Variants in ADD2 observed in about 807,000 individuals in gnomAD.
The protein encoded by ADD2 is adducin 2, also known as beta-adducin.
In ADD2, 23 loss-of-function variants were observed where a neutral mutation model predicts 83.0. The observed-to-expected ratio is 0.28, with a 90% CI of 0.20 to 0.39. The LOEUF (loss-of-function observed/expected upper bound fraction) is 0.39, where lower values mean the gene tolerates loss of function less well. ADD2 is among the 10% of genes least tolerant of loss of function. ADD2 has a pLI of 1.00. For synonymous variants in ADD2, 375 were observed against 375.4 expected, an observed-to-expected ratio of 1.00 and a Z score of 0.01; for missense variants, 758 against 944.9, an observed-to-expected ratio of 0.80 and a Z score of 2.59.
At chr2:70,719,670 C>T (rs1220660108) in intron 1 of ADD2, among the ~76,000 whole-genome samples, 3 of 152,168 alleles carry the variant, frequency 2.0e-5, no homozygotes, top group African/African-American at 7.2e-5. Flanking sequence ...AAAAGCCCAT[C>T]AAAAAGGCTG....
intron 1 of ADD2, among the ~76,000 whole-genome samples, chr2:70,741,622 G>A (rs782252705): frequency 1.3e-4 from 20 of 152,152 alleles, no homozygotes; most frequent in Non-Finnish European, 2.4e-4. Flanking sequence ...ATGAACAAAC[G>A]TTCTTCTGGG....
At chr2:70,666,777 A>G (rs1460096082) in intron 15 of ADD2, among the ~76,000 whole-genome samples, 1 of 152,150 alleles carries the variant, frequency 6.6e-6, no homozygotes, top group Non-Finnish European at 1.5e-5. Flanking sequence ...GGAGAGCAAC[A>G]CCCAAGGTTC....
At chr2:70,749,853 G>T (rs556340075) in intron 1 of ADD2, among the ~76,000 whole-genome samples, 58 of 152,274 alleles carry the variant, frequency 3.8e-4, no homozygotes, top group African/African-American at 1.3e-3. Flanking sequence ...ACCAGCCCCG[G>T]GTTGCCAACC....
intron 15 of ADD2, among the ~76,000 whole-genome samples, chr2:70,672,507 A>C (rs1216646137): frequency 6.6e-6 from 1 of 152,252 alleles, no homozygotes; most frequent in Non-Finnish European, 1.5e-5. Flanking sequence ...GCCACATCCC[A>C]GACTTACTAA....
intron 9 of ADD2, among the ~76,000 whole-genome samples, chr2:70,684,649 G>A (rs782155179): frequency 1.3e-5 from 2 of 152,192 alleles, no homozygotes; most frequent in Non-Finnish European, 2.9e-5. Context: ...AGGTCCAAAG[G>A]AAAAATACAT....
chr2:70,754,291 G>T (rs188214609), intron 1 of ADD2, among the ~76,000 whole-genome samples: 2 of 151,940 alleles, frequency 1.3e-5, no homozygotes, highest in East Asian at 1.9e-4. Context: ...ATAATTCTTC[G>T]CAGCACTTCC....
At position 70,683,576 on chromosome 2, in the gene ADD2, T is replaced by C. The variant is rs1553369935; in HGVS notation, c.1125+15A>G. 1.9e-6 allele frequency: 3 copies of C among 1,603,474 alleles called. No homozygotes were observed. Among genetic ancestry groups the C allele is most frequent in the African/African-American group, 1.3e-5 (1 of 74,846 alleles). Reference sequence around the variant, plus strand: ...TCAATGGACTGGCCTGGAAGGGCAATGGCAGGAGACTCACCAGGTTGTCCA... The same window carrying C: ...TCAATGGACTGGCCTGGAAGGGCAACGGCAGGAGACTCACCAGGTTGTCCA... On this transcript the variant is annotated intron_variant, in intron 10 of 15. Transcript: ENST00000264436.
At chr2:70,721,368 C>G (rs1250451795) in intron 1 of ADD2, among the ~76,000 whole-genome samples, 2 of 152,192 alleles carry the variant, frequency 1.3e-5, no homozygotes, top group Admixed American at 6.5e-5. Flanking sequence ...ATTCTCCCCC[C>G]ATGACTCTAT....
intron 4 of ADD2, among the ~76,000 whole-genome samples, chr2:70,699,754 T>C (rs1281929688): frequency 3.9e-5 from 6 of 152,086 alleles, no homozygotes; most frequent in African/African-American, 1.2e-4. Context: ...CTCTCCAGCC[T>C]AGGAGACAGG....
rs1553371410 is a variant in ADD2 at position 70,690,805 on chromosome 2, C to T, written c.830G>A (p.Cys277Tyr). The T allele has an allele frequency of 1.2e-6, 2 of 1,613,852 alleles. No homozygotes were observed. Among genetic ancestry groups the T allele is most frequent in the Non-Finnish European group, 1.7e-6 (2 of 1,179,874 alleles). ...QEADRINLQK[C>Y]LGPTCKILVL... The stretch of plus-strand genomic sequence containing the variant: ...GCTAACCTTGCAGGTGGGTCCAAGG[C>T]ACTTCTGCAGGTTGATCCGATCGGC... The change falls in exon 8 of 16, where the codon TGC becomes TAC. Residue 277 changes from cysteine to tyrosine, a missense_variant. By Grantham distance (194) the Cys-to-Tyr change is radical (BLOSUM62 -2). Transcript: ENST00000264436.
rs1296665445 is a variant in ADD2 at position 70,768,156 on chromosome 2, G to A, written c.-424C>T. On this transcript the variant is annotated 5_prime_UTR_variant, in exon 1 of 16. The change creates a new upstream start codon in the 5' untranslated region. Coordinates refer to ENST00000264436, the MANE Select transcript of ADD2 (RefSeq NM_001617.4). ...CCCGCTAGTCCCTCACAGCCCTGCCGTCAGAATTAAAGCCATTTCCCGCAC... is the reference window on the plus strand; with the variant it reads ...CCCGCTAGTCCCTCACAGCCCTGCCATCAGAATTAAAGCCATTTCCCGCAC... 5.4e-5 allele frequency: 33 copies of A among 611,814 alleles called. No homozygotes were observed. The Admixed American group carries it at 7.9e-4, about 15-fold the overall frequency. The allele number at this position is 611,814 out of a possible 1,614,324, so 37.9% of individuals were successfully genotyped here. A position where few individuals can be genotyped will look rare whatever the true frequency, so the allele number is the denominator to read the frequency against.
chr2:70,746,004 T>C (rs1361125998), intron 1 of ADD2, among the ~76,000 whole-genome samples: 1 of 152,242 alleles, frequency 6.6e-6, no homozygotes, highest in Non-Finnish European at 1.5e-5. Flanking sequence ...CAGGGAAAAG[T>C]TGTAAATAAT....
chr2:70,704,263 T>TGCGCCCCCCCC, intron 4 of ADD2, 58 bp downstream of exon 4: 2 of 913,238 alleles, frequency 2.2e-6, no homozygotes, highest in Non-Finnish European at 3.4e-6. Flanking sequence ...CTCCCTCTCT[T>TGCGCCCCCCCC]CCCCACCCCA....
At chr2:70,735,717 T>G (rs547291208) in intron 1 of ADD2, among the ~76,000 whole-genome samples, 1 of 151,934 alleles carries the variant, frequency 6.6e-6, no homozygotes, top group Non-Finnish European at 1.5e-5. Context: ...CCCCGCTTTT[T>G]TTTTTTTGCT....
intron 4 of ADD2, among the ~76,000 whole-genome samples, chr2:70,700,966 G>A (rs1417251919): frequency 6.6e-6 from 1 of 151,966 alleles, no homozygotes; most frequent in Non-Finnish European, 1.5e-5. Context: ...GACATTCTAA[G>A]TGAATAATAA....
chr2:70,712,152 A>C (rs1553375572), intron 2 of ADD2, among the ~76,000 whole-genome samples: 2 of 152,174 alleles, frequency 1.3e-5, no homozygotes, highest in Non-Finnish European at 2.9e-5. Flanking sequence ...ACTTGAACAA[A>C]ATAAAGATAG....
intron 1 of ADD2, among the ~76,000 whole-genome samples, chr2:70,732,608 G>A (rs557995206): frequency 1.2e-3 from 190 of 152,296 alleles, no homozygotes; most frequent in African/African-American, 4.4e-3. Context: ...TTTCAGGGAT[G>A]TCAGAGGTGA....
intron 1 of ADD2, among the ~76,000 whole-genome samples, chr2:70,740,261 A>G (rs567773065): frequency 3.3e-5 from 5 of 152,294 alleles, no homozygotes; most frequent in South Asian, 4.1e-4. Flanking sequence ...GTAAAGCAAA[A>G]ACTGTTGAGA....
At chr2:70,764,180 G>A (rs545731390) in intron 1 of ADD2, among the ~76,000 whole-genome samples, 4 of 151,854 alleles carry the variant, frequency 2.6e-5, no homozygotes, top group East Asian at 3.9e-4. Flanking sequence ...GAGCCACCGC[G>A]CCCGGCCCCA....
Sources: allele counts gnomAD v4.1 joint callset (sites outside exome capture counted in the v4.1 genomes callset), GRCh38; gene constraint gnomAD v4.1.1; transcripts MANE v1.5; gene names NCBI Gene and HGNC (gene_info 2026-07-23, HGNC 2026-07-21).